MYRIP: variants seen among roughly 807,000 people sequenced by gnomAD.
The protein encoded by MYRIP is myosin VIIA and Rab interacting protein, also known as rab effector MyRIP.
Under a neutral mutation model 98.0 loss-of-function variants are expected in MYRIP, and 49 were observed. The ratio of observed to expected loss-of-function variants is 0.50; its 90% CI spans 0.40 to 0.63. The LOEUF (loss-of-function observed/expected upper bound fraction) is 0.63, where lower values mean the gene tolerates loss of function less well. Ranked by LOEUF, MYRIP falls within the 30% of genes least tolerant of loss-of-function variation. The pLI is 0.00. For missense variants in MYRIP, 1,004 were observed against 1,058.2 expected, an observed-to-expected ratio of 0.95 and a Z score of 0.71; for synonymous variants, 404 against 409.5, an observed-to-expected ratio of 0.99 and a Z score of 0.16.
At chr3:39,926,004 T>C (rs2125695155) in intron 2 of MYRIP, among the ~76,000 whole-genome samples, 1 of 152,186 alleles carries the variant, frequency 6.6e-6, no homozygotes, top group African/African-American at 2.4e-5. Flanking sequence ...TTATTTTTTG[T>C]CTTTTTAATA....
intron 1 of MYRIP, among the ~76,000 whole-genome samples, chr3:39,863,875 A>G (rs948426066): frequency 1.7e-4 from 26 of 152,158 alleles, no homozygotes; most frequent in African/African-American, 5.8e-4. Flanking sequence ...AACGTTCTTG[A>G]TGATCATAGA....
chr3:39,897,704 TCTGA>T lies in MYRIP; in HGVS notation c.-30-3079_-30-3076del, dbSNP rs200733002. Among the ~76,000 whole-genome samples the T allele has an allele frequency of 6.6e-3, 1,005 of 152,330 alleles. 12 individuals are homozygous for T. Among genetic ancestry groups the T allele is most frequent in the African/African-American group, 0.023 (945 of 41,574 alleles). The stretch of plus-strand genomic sequence containing the variant: ...GCTATTTCATTTGTCGCACAGGGAC[TCTGA>T]CTGTGTTTGTTGTAGAAAAAGGAAG... On this transcript the variant is annotated intron_variant, in intron 1 of 16. Coordinates refer to ENST00000302541, the MANE Select transcript of MYRIP (RefSeq NM_015460.4).
chr3:40,171,894 G>A (rs750050249), intron 8 of MYRIP, among the ~76,000 whole-genome samples: 8 of 152,244 alleles, frequency 5.3e-5, no homozygotes, highest in Non-Finnish European at 1.0e-4. Flanking sequence ...GTTCCACATG[G>A]CTGGGGAGGC....
chr3:39,920,301 T>C (rs1483487140), intron 2 of MYRIP, among the ~76,000 whole-genome samples: 4 of 152,164 alleles, frequency 2.6e-5, no homozygotes, highest in Non-Finnish European at 5.9e-5. Context: ...TGGTTTGGCT[T>C]TTCCTAAGGT....
intron 8 of MYRIP, among the ~76,000 whole-genome samples, chr3:40,179,922 T>C (rs1437504850): frequency 6.6e-6 from 1 of 152,244 alleles, no homozygotes; most frequent in Non-Finnish European, 1.5e-5. Context: ...CCTTCATTTT[T>C]AATAACTTCA....
chr3:39,880,514 C>G (rs887637947), intron 1 of MYRIP, among the ~76,000 whole-genome samples: 1 of 152,176 alleles, frequency 6.6e-6, no homozygotes, highest in African/African-American at 2.4e-5. Context: ...ATATTTCTTT[C>G]CAGTGAAAAC....
chr3:40,118,971 C>T (rs9848341), intron 3 of MYRIP, among the ~76,000 whole-genome samples: 32 of 151,328 alleles, frequency 2.1e-4, no homozygotes, highest in Admixed American at 2.1e-3. Flanking sequence ...TCTTAATCCA[C>T]TCTATCATTG....
chr3:39,976,650 G>A (rs1412160855), intron 2 of MYRIP, among the ~76,000 whole-genome samples: 3 of 152,156 alleles, frequency 2.0e-5, no homozygotes, highest in African/African-American at 4.8e-5. Flanking sequence ...CAACCCAAAT[G>A]TCCAACAATG....
chr3:40,084,823 C>T (rs541976595), intron 3 of MYRIP, among the ~76,000 whole-genome samples: 808 of 34,348 alleles, frequency 0.024, 210 homozygotes, highest in African/African-American at 0.063. Flanking sequence ...TGTTACATGT[C>T]GATAGATAAT....
chr3:40,140,792 G>GTGTA (rs1262351685), intron 3 of MYRIP, among the ~76,000 whole-genome samples: 4 of 151,886 alleles, frequency 2.6e-5, no homozygotes. Flanking sequence ...TATATAATAG[G>GTGTA]TGTATATATT....
At chr3:40,044,976 A>G (rs1284525138) in intron 3 of MYRIP, among the ~76,000 whole-genome samples, 1 of 152,194 alleles carries the variant, frequency 6.6e-6, no homozygotes. Context: ...GATGAGTATG[A>G]TAAACCAGTG....
chr3:39,945,309 CAAAAAAAA>C (rs57600928), intron 2 of MYRIP, among the ~76,000 whole-genome samples: 32 of 42,968 alleles, frequency 7.4e-4, no homozygotes, highest in East Asian at 1.9e-3. Flanking sequence ...ATCTCTACTA[CAAAAAAAA>C]AAAAAAAAAA....
At chr3:39,844,693 C>T (rs114158414) in intron 1 of MYRIP, among the ~76,000 whole-genome samples, 2,223 of 152,290 alleles carry the variant, frequency 0.015, 25 homozygotes, top group South Asian at 0.046. Flanking sequence ...AATGCCAGGG[C>T]CTTGTAGCAA....
chr3:39,887,292 G>A (rs955781206), intron 1 of MYRIP, among the ~76,000 whole-genome samples: 13 of 151,570 alleles, frequency 8.6e-5, no homozygotes, highest in African/African-American at 2.7e-4. Context: ...AGAAAAGCAA[G>A]AGCAAACACA....
chr3:39,896,800 T>C (rs1372131445), intron 1 of MYRIP, among the ~76,000 whole-genome samples: 1 of 152,232 alleles, frequency 6.6e-6, no homozygotes, highest in Non-Finnish European at 1.5e-5. Context: ...ACGTACACAT[T>C]GACCTTTTAT....
chr3:40,142,477 T>A (rs1949925149), intron 3 of MYRIP, among the ~76,000 whole-genome samples: 1 of 152,152 alleles, frequency 6.6e-6, no homozygotes, highest in Non-Finnish European at 1.5e-5. Context: ...CTTGGAAATT[T>A]TTTTTTATAG....
At chr3:40,242,517 G>A (rs968211383) in intron 12 of MYRIP, 6 of 149,436 alleles carry the variant, frequency 4.0e-5, no homozygotes, top group Admixed American at 1.3e-4. Context: ...AAAAAAGGAA[G>A]ATTAGTGAAT....
intron 11 of MYRIP, among the ~76,000 whole-genome samples, chr3:40,233,525 G>T (rs552465972): frequency 1.3e-5 from 2 of 152,266 alleles, no homozygotes; most frequent in East Asian, 3.9e-4. Context: ...TGATGAAGTA[G>T]AATATTATTC....
intron 10 of MYRIP, 78 bp from the exon 11 acceptor site, chr3:40,209,776 C>G (rs928078857): frequency 6.4e-7 from 1 of 1,573,366 alleles, no homozygotes; most frequent in African/African-American, 1.4e-5. Flanking sequence ...TGTTCCTTTA[C>G]TCAGGGGTTA....
Sources: gnomAD v4.1 joint callset for allele counts (sites outside exome capture counted in the v4.1 genomes callset) on GRCh38, gnomAD v4.1.1 for gene constraint, MANE v1.5 for transcripts, NCBI Gene and HGNC (gene_info 2026-07-23, HGNC 2026-07-21) for gene names.